Variants in BCHE observed in about 807,000 individuals in gnomAD.
The protein encoded by BCHE is butyrylcholinesterase, also known as cholinesterase.
In BCHE, 48 loss-of-function variants were observed where a neutral mutation model predicts 51.3. That is an observed-to-expected ratio of 0.94 (90% CI 0.74 to 1.19). The LOEUF (loss-of-function observed/expected upper bound fraction) is 1.19. Among genes scored for constraint, BCHE ranks in the 50% most tolerant of loss-of-function variants. BCHE has a pLI of 0.00. For missense variants in BCHE, 847 were observed against 708.2 expected (o/e 1.20, Z -2.23); for synonymous variants, 251 against 238.0 (o/e 1.05, Z -0.50).
intron 3 of BCHE, among the ~76,000 whole-genome samples, chr3:165,775,948 T>A (rs1357621377): frequency 1.3e-5 from 2 of 151,972 alleles, no homozygotes; most frequent in Non-Finnish European, 2.9e-5. Context: ...CCTCTCTTTC[T>A]TTGTCTTCTT....
At chr3:165,808,082 C>G (rs1268161471) in intron 2 of BCHE, among the ~76,000 whole-genome samples, 1 of 152,040 alleles carries the variant, frequency 6.6e-6, no homozygotes, top group Non-Finnish European at 1.5e-5. Flanking sequence ...CTCAAGAGTT[C>G]ACGCCATTCT....
chr3:165,804,261 G>T (rs978370460), intron 2 of BCHE, among the ~76,000 whole-genome samples: 1 of 152,052 alleles, frequency 6.6e-6, no homozygotes, highest in African/African-American at 2.4e-5. Flanking sequence ...AGAATGAGAG[G>T]ATAAAAGTGG....
chr3:165,805,625 A>G (rs1293462661), intron 2 of BCHE, among the ~76,000 whole-genome samples: 3 of 152,236 alleles, frequency 2.0e-5, no homozygotes, highest in African/African-American at 7.2e-5. Flanking sequence ...GAGATACAGC[A>G]CAGATGGATG....
intron 2 of BCHE, among the ~76,000 whole-genome samples, chr3:165,803,080 G>T (rs1463213947): frequency 6.6e-6 from 1 of 152,124 alleles, no homozygotes; most frequent in African/African-American, 2.4e-5. Context: ...GAAAAGAGAA[G>T]AAAAGAGAAA....
At chr3:165,808,142 C>A (rs1713938935) in intron 2 of BCHE, among the ~76,000 whole-genome samples, 2 of 152,022 alleles carry the variant, frequency 1.3e-5, no homozygotes, top group Admixed American at 6.5e-5. Context: ...TGCCACCACG[C>A]CTGGCTAATT....
intron 1 of BCHE, among the ~76,000 whole-genome samples, chr3:165,834,887 GTC>G (rs1257530019): frequency 4.0e-5 from 6 of 151,744 alleles, no homozygotes; most frequent in African/African-American, 1.4e-4. Flanking sequence ...ATTGGATACT[GTC>G]TCACATGATT....
chr3:165,826,893 G>T (rs183891137), intron 2 of BCHE, among the ~76,000 whole-genome samples: 1 of 152,196 alleles, frequency 6.6e-6, no homozygotes, highest in East Asian at 1.9e-4. Context: ...ATTACAGGGT[G>T]TTTAGCAGCA....
At chr3:165,837,182 G>T in intron 1 of BCHE, 132 bp downstream of exon 1, 1 of 448,166 alleles carries the variant, frequency 2.2e-6, no homozygotes, top group Non-Finnish European at 3.8e-6. Flanking sequence ...CCATTTGCAA[G>T]CTTCAGTAAC....
At chr3:165,803,015 A>G (rs1188643533) in intron 2 of BCHE, among the ~76,000 whole-genome samples, 34 of 152,200 alleles carry the variant, frequency 2.2e-4, no homozygotes, top group Non-Finnish European at 2.9e-5. Context: ...CTGGGATTAC[A>G]GGCGTGAGCC....
chr3:165,775,437 A>G (rs1712433239), intron 3 of BCHE, among the ~76,000 whole-genome samples: 1 of 151,832 alleles, frequency 6.6e-6, no homozygotes, highest in Non-Finnish European at 1.5e-5. Flanking sequence ...GATGTTAAAT[A>G]TCATACCAAA....
chr3:165,827,492 A>G (rs968860450), intron 2 of BCHE, among the ~76,000 whole-genome samples: 10 of 151,742 alleles, frequency 6.6e-5, no homozygotes, highest in African/African-American at 2.4e-4. Context: ...AGTGTCAAAG[A>G]TTTTCTTCTT....
rs568905885 is a variant in BCHE, at chr3:165,810,187, A to G, written c.1517+19330T>C. Among the ~76,000 whole-genome samples the G allele has an allele frequency of 3.9e-5, 6 of 152,306 alleles. No individual in the cohort carries two copies. In the East Asian group the frequency reaches 1.2e-3, roughly 29 times the overall value. ...TTTGCTTACTGAGTTTTTAAACATA[A>G]ATATCTGATAACAAGTGTTAGTTAT... On this transcript the variant is annotated intron_variant, in intron 2 of 3. Transcript: ENST00000264381.
In BCHE at chr3:165,791,299, G is replaced by A. The variant is rs186019720; in HGVS notation, c.1518-4988C>T. 4.3e-3 allele frequency among the ~76,000 whole-genome samples: 647 copies of A among 151,878 alleles called. 2 individuals are homozygous for A. The highest frequency in any genetic ancestry group is 0.015 in the African/African-American group (611 of 41,432). On this transcript the variant is annotated intron_variant, in intron 2 of 3. Transcript: ENST00000264381. ...GACAGAGCAAGACTCCATCTTGGGG[G>A]GCGGGCGGGAAGGAAAGAATAAGAT...
intron 2 of BCHE, among the ~76,000 whole-genome samples, chr3:165,807,517 G>GATTTATTTATTT (rs58025912): frequency 4.7e-5 from 7 of 149,882 alleles, no homozygotes; most frequent in Non-Finnish European, 8.9e-5. Flanking sequence ...GTTATTATGA[G>GATTTATTTATTT]ATTTATTTAT....
intron 2 of BCHE, among the ~76,000 whole-genome samples, chr3:165,812,757 A>G (rs1714150185): frequency 6.6e-6 from 1 of 152,010 alleles, no homozygotes; most frequent in African/African-American, 2.4e-5. Context: ...ATTCTCTCAA[A>G]GAAAGCATAA....
intron 2 of BCHE, among the ~76,000 whole-genome samples, chr3:165,813,680 T>A (rs575681644): frequency 5.9e-5 from 9 of 151,916 alleles, no homozygotes; most frequent in Admixed American, 2.0e-4. Flanking sequence ...AAGCATATTT[T>A]CTGCAGAAAT....
chr3:165,806,351 G>T (rs1713864143), intron 2 of BCHE, among the ~76,000 whole-genome samples: 1 of 152,046 alleles, frequency 6.6e-6, no homozygotes, highest in South Asian at 2.1e-4. Context: ...GTTTCTATAA[G>T]CTTCTAAGAC....
chr3:165,808,966 A>G (rs894343613), intron 2 of BCHE, among the ~76,000 whole-genome samples: 2 of 152,190 alleles, frequency 1.3e-5, no homozygotes, highest in Non-Finnish European at 2.9e-5. Flanking sequence ...ATAAGAAAAA[A>G]GGAAACTATC....
At chr3:165,800,471 T>G (rs1407598564) in intron 2 of BCHE, among the ~76,000 whole-genome samples, 1 of 152,096 alleles carries the variant, frequency 6.6e-6, no homozygotes, top group African/African-American at 2.4e-5. Context: ...AATATTAAGC[T>G]CAAAAATATC....
Sources: gnomAD v4.1 joint callset for allele counts (sites outside exome capture counted in the v4.1 genomes callset) on GRCh38, gnomAD v4.1.1 for gene constraint, MANE v1.5 for transcripts, NCBI Gene and HGNC (gene_info 2026-07-23, HGNC 2026-07-21) for gene names.